DOC2B: variants seen among roughly 807,000 people sequenced by gnomAD.
The protein encoded by DOC2B is double C2 domain beta.
A neutral mutation model predicts 28.9 loss-of-function variants in DOC2B; 21 were observed. The observed-to-expected ratio is 0.73, with a 90% confidence interval of 0.52 to 1.05. The LOEUF is 1.05. Among genes scored for constraint, DOC2B ranks in the 50% least tolerant of loss-of-function variants. The pLI, the probability that DOC2B is intolerant of heterozygous loss-of-function variation, is 0.00. For missense variants in DOC2B, 384 were observed against 421.1 expected (o/e 0.91, Z 0.77); for synonymous variants, 194 against 178.1 (o/e 1.09, Z -0.71).
rs1440468000 is a variant in DOC2B, at chr17:145,481, GCATGCAAAAACCTT to G, written c.*1946_*1959del. On this transcript the variant is annotated 3_prime_UTR_variant, in exon 9 of 9. Coordinates refer to ENST00000613549, the MANE Select transcript of DOC2B (RefSeq NM_003585.5). ...GCTGTGAACATGCGTTCAGACCAGT[GCATGCAAAAACCTT>G]CACACAAAAACCCTTCCTAAAGGCA... is the stretch of plus-strand genomic sequence containing the variant. 1.8e-4 allele frequency: 28 copies of G among 152,530 alleles called. No individual in the cohort carries two copies. Among genetic ancestry groups the G allele is most frequent in the African/African-American group, 6.0e-4 (25 of 41,594 alleles). The allele number at this position is 152,530 out of a possible 1,614,324, so 9.4% of individuals were successfully genotyped here. A position where few individuals can be genotyped will look rare whatever the true frequency, so the allele number is the denominator to read the frequency against.
chr17:161,697 G>A (rs1555523264), intron 4 of DOC2B, among the ~76,000 whole-genome samples, 156 bp from the exon 5 acceptor site: 1 of 152,216 alleles, frequency 6.6e-6, no homozygotes, highest in African/African-American at 2.4e-5. Context: ...CCTGACAGGG[G>A]CAGAGTGTGG....
chr17:148,864 G>T (rs2040043378), intron 7 of DOC2B, among the ~76,000 whole-genome samples: 1 of 146,200 alleles, frequency 6.8e-6, no homozygotes, highest in African/African-American at 2.6e-5. Flanking sequence ...TCTTTGCCCT[G>T]TTGCCTCCAT....
Position 146,468 on chromosome 17 carries a change from G to C in DOC2B, c.*973C>G, listed in dbSNP as rs1414713809. 6.6e-6 allele frequency: 1 copy of C among 152,110 alleles called. No homozygotes were observed. Among genetic ancestry groups the C allele is most frequent in the Non-Finnish European group, 1.5e-5 (1 of 68,054 alleles). 9.4% of individuals were successfully genotyped at this position (152,110 alleles called of 1,614,324 possible). A position where few individuals can be genotyped will look rare whatever the true frequency, so the allele number is the denominator to read the frequency against. On this transcript the variant is annotated 3_prime_UTR_variant, in exon 9 of 9. Transcript: ENST00000613549. ...AGACTTGGGTCTGAGGTCTGAACTTGAGCCTACACCAGTTTCTCCATGGTG... is the reference window on the plus strand; with the variant it reads ...AGACTTGGGTCTGAGGTCTGAACTTCAGCCTACACCAGTTTCTCCATGGTG...
At chr17:147,727 C>T in intron 8 of DOC2B, 150 bp from the exon 9 acceptor site, 1 of 398,024 alleles carries the variant, frequency 2.5e-6, no homozygotes, top group Non-Finnish European at 4.4e-6. Context: ...ACCTCCATGC[C>T]ACACTCTGGC....
chr17:166,659 G>C (rs889128349), intron 2 of DOC2B, among the ~76,000 whole-genome samples: 2 of 151,928 alleles, frequency 1.3e-5, no homozygotes, highest in African/African-American at 4.8e-5. Flanking sequence ...CTGTTCTTGA[G>C]GTAGTGAATA....
intron 1 of DOC2B, among the ~76,000 whole-genome samples, chr17:173,790 C>T (rs891897235): frequency 3.9e-5 from 6 of 152,092 alleles, no homozygotes; most frequent in South Asian, 4.1e-4. Context: ...CCAGCAGGTA[C>T]GGGCTTAGTG....
At chr17:173,346 T>C (rs1183725785) in intron 1 of DOC2B, among the ~76,000 whole-genome samples, 1 of 151,590 alleles carries the variant, frequency 6.6e-6, no homozygotes, top group Admixed American at 6.6e-5. Flanking sequence ...GAGGCCAAGG[T>C]GATGGTTGGG....
intron 6 of DOC2B, chr17:155,978 A>G: frequency 1.9e-6 from 1 of 540,242 alleles, no homozygotes; most frequent in Non-Finnish European, 3.2e-6. Flanking sequence ...TCAGGTGATA[A>G]CTAATACCTG....
intron 3 of DOC2B, among the ~76,000 whole-genome samples, chr17:163,317 T>C (rs1359880484): frequency 3.9e-5 from 6 of 152,000 alleles, no homozygotes; most frequent in Non-Finnish European, 1.5e-5. Flanking sequence ...CAGGAGTAGG[T>C]GGTGGGGCAC....
chr17:151,746 GC>G (rs1331355098), intron 6 of DOC2B, among the ~76,000 whole-genome samples: 2 of 152,166 alleles, frequency 1.3e-5, no homozygotes, highest in African/African-American at 4.8e-5. Context: ...GCCTTCACAA[GC>G]CCCTGGAAGG....
chr17:161,877 G>A (rs919069410), intron 4 of DOC2B, among the ~76,000 whole-genome samples: 8 of 152,210 alleles, frequency 5.3e-5, no homozygotes, highest in Non-Finnish European at 1.0e-4. Context: ...AGGGGACTGG[G>A]GCCAGGGTGA....
At chr17:149,624 G>A (rs1459012816) in intron 6 of DOC2B, among the ~76,000 whole-genome samples, 2 of 151,948 alleles carry the variant, frequency 1.3e-5, no homozygotes, top group African/African-American at 4.8e-5. Flanking sequence ...TCCTGCCTCA[G>A]CCTCCAGAGT....
chr17:179,645 T>A (rs917496565), intron 1 of DOC2B, among the ~76,000 whole-genome samples: 1 of 149,196 alleles, frequency 6.7e-6, no homozygotes, highest in Non-Finnish European at 1.5e-5. Flanking sequence ...AGGGTGAGCT[T>A]CGCACAGGGT....
intron 1 of DOC2B, among the ~76,000 whole-genome samples, chr17:172,988 T>C (rs938535193): frequency 7.2e-5 from 11 of 152,134 alleles, no homozygotes; most frequent in Admixed American, 6.5e-5. Flanking sequence ...ACCTGTGAAA[T>C]GTCACAAGGA....
intron 5 of DOC2B, among the ~76,000 whole-genome samples, chr17:159,906 G>A (rs889140659): frequency 3.4e-5 from 5 of 148,488 alleles, no homozygotes; most frequent in African/African-American, 4.9e-5. Flanking sequence ...GACACCCCAC[G>A]TACATACCCA....
rs1449125286 is a variant in DOC2B, at chr17:143,335, T to TTA, written c.*4105_*4106insTA. On this transcript the variant is annotated 3_prime_UTR_variant, in exon 9 of 9. Coordinates refer to ENST00000613549, the MANE Select transcript of DOC2B (RefSeq NM_003585.5). ...CCTCCCCTCCTACCCTTCCAAATCTTTTTTTTTTTTTTTTGACAAGGTCTC... is the reference window on the plus strand; with the variant it reads ...CCTCCCCTCCTACCCTTCCAAATCTTTATTTTTTTTTTTTTTGACAAGGTCTC... 1 of 148,046 alleles carries TTA rather than the reference T, an allele frequency of 6.8e-6. No homozygotes were observed. The highest frequency in any genetic ancestry group is 2.5e-5 in the African/African-American group (1 of 39,984). 9.2% of individuals were successfully genotyped at this position (148,046 alleles called of 1,614,324 possible).
intron 2 of DOC2B, among the ~76,000 whole-genome samples, chr17:169,071 G>GC (rs2040282419): frequency 6.6e-6 from 1 of 152,082 alleles, no homozygotes; most frequent in Non-Finnish European, 1.5e-5. Flanking sequence ...GCCCTGCCCC[G>GC]CCCTGGGCCT....
At chr17:153,583 C>T (rs2040096306) in intron 6 of DOC2B, among the ~76,000 whole-genome samples, 1 of 152,076 alleles carries the variant, frequency 6.6e-6, no homozygotes, top group Non-Finnish European at 1.5e-5. Flanking sequence ...TGCCTGTAAT[C>T]CCAGCTACTT....
intron 5 of DOC2B, 48 bp downstream of exon 5, chr17:161,367 C>T: frequency 6.5e-7 from 1 of 1,542,568 alleles, no homozygotes; most frequent in Non-Finnish European, 8.8e-7. Flanking sequence ...CTTCCCAGCA[C>T]CTGCCACCGA....
Sources: gnomAD v4.1 joint callset for allele counts (sites outside exome capture counted in the v4.1 genomes callset) on GRCh38, gnomAD v4.1.1 for gene constraint, MANE v1.5 for transcripts, NCBI Gene and HGNC (gene_info 2026-07-23, HGNC 2026-07-21) for gene names.